Variants in MPP7 observed in about 807,000 individuals in gnomAD.
The protein encoded by MPP7 is MAGUK p55 subfamily member 7.
MPP7 carries 60 observed loss-of-function variants against 76.5 expected under a neutral mutation model. That is an observed-to-expected ratio of 0.78 (90% CI 0.64 to 0.97). The LOEUF (loss-of-function observed/expected upper bound fraction) is 0.97, where lower values mean the gene tolerates loss of function less well. MPP7 is among the 50% of genes least tolerant of loss of function. The probability of loss-of-function intolerance (pLI) is 0.00; values close to 1 mark genes in which losing one functional copy is unlikely to be tolerated. For missense variants in MPP7, 641 were observed against 694.0 expected, an observed-to-expected ratio of 0.92 and a Z score of 0.86; for synonymous variants, 237 against 244.5, an observed-to-expected ratio of 0.97 and a Z score of 0.29.
chr10:28,290,182 T>C (rs1031844036), intron 1 of MPP7, among the ~76,000 whole-genome samples: 1 of 152,210 alleles, frequency 6.6e-6, no homozygotes. Flanking sequence ...AGATCTTCTA[T>C]TAGTTTCTCT....
At chr10:28,083,330 C>T (rs74797754) in intron 12 of MPP7, among the ~76,000 whole-genome samples, 6,242 of 152,130 alleles carry the variant, frequency 0.041, 448 homozygotes, top group African/African-American at 0.14. Flanking sequence ...ATCACCAGAT[C>T]CCACTGTACA....
chr10:28,057,514 A>T (rs1414628958), intron 15 of MPP7: 3 of 159,238 alleles, frequency 1.9e-5, no homozygotes, highest in African/African-American at 7.7e-5. Context: ...TTCCGCCATG[A>T]TTGCAAGTTT....
intron 12 of MPP7, among the ~76,000 whole-genome samples, chr10:28,086,574 A>G (rs10826395): frequency 0.31 from 46,541 of 152,052 alleles, 8,786 homozygotes; most frequent in East Asian, 0.88. Flanking sequence ...GGCTGACAAT[A>G]GAATGTGGTG....
upstream of MPP7, among the ~76,000 whole-genome samples, chr10:28,304,748 C>A (rs1243327029): frequency 1.3e-5 from 2 of 152,160 alleles, no homozygotes; most frequent in Admixed American, 6.5e-5. Flanking sequence ...TCAAAAGTTT[C>A]TTCTACAATA....
chr10:28,057,316 G>A (rs931182045), intron 15 of MPP7, among the ~76,000 whole-genome samples: 3 of 152,178 alleles, frequency 2.0e-5, no homozygotes, highest in Non-Finnish European at 4.4e-5. Context: ...TGCTGTAGGT[G>A]CAGCCTGTGG....
At chr10:28,114,211 G>A (rs1385238868) in intron 11 of MPP7, among the ~76,000 whole-genome samples, 1 of 152,174 alleles carries the variant, frequency 6.6e-6, no homozygotes, top group Non-Finnish European at 1.5e-5. Flanking sequence ...AGCAGTTTGA[G>A]ATCAGCGTGA....
upstream of MPP7, chr10:28,303,355 A>G (rs7902785): frequency 0.12 from 18,010 of 152,104 alleles, 1,707 homozygotes; most frequent in East Asian, 0.48. Flanking sequence ...TGCAGACTGG[A>G]GTGTGTTTCA....
intron 1 of MPP7, among the ~76,000 whole-genome samples, chr10:28,290,810 A>G (rs956239522): frequency 2.6e-5 from 4 of 152,178 alleles, no homozygotes; most frequent in Non-Finnish European, 4.4e-5. Context: ...GGATTTTAGG[A>G]AAACAGACTA....
At chr10:28,071,859 G>C (rs1202011696) in intron 12 of MPP7, among the ~76,000 whole-genome samples, 1 of 152,074 alleles carries the variant, frequency 6.6e-6, no homozygotes, top group Non-Finnish European at 1.5e-5. Flanking sequence ...ACTAGCATTT[G>C]GATAGAAACC....
chr10:28,210,015 C>T (rs527682212), intron 2 of MPP7, among the ~76,000 whole-genome samples: 3 of 152,248 alleles, frequency 2.0e-5, no homozygotes, highest in South Asian at 4.2e-4. Context: ...CTGGGACACC[C>T]ATCTTCTCCT....
chr10:28,073,190 G>A (rs1384470724), intron 12 of MPP7, among the ~76,000 whole-genome samples: 2 of 152,104 alleles, frequency 1.3e-5, no homozygotes, highest in African/African-American at 2.4e-5. Context: ...CTTCTCTCTT[G>A]TATATCCCTA....
intron 1 of MPP7, among the ~76,000 whole-genome samples, chr10:28,256,680 C>T (rs564668868): frequency 5.3e-5 from 8 of 152,218 alleles, no homozygotes; most frequent in South Asian, 2.1e-4. Flanking sequence ...TCAAGTCTTA[C>T]GTATATAACT....
At chr10:28,286,063 C>T (rs368882047) in intron 1 of MPP7, among the ~76,000 whole-genome samples, 7 of 151,990 alleles carry the variant, frequency 4.6e-5, no homozygotes, top group Admixed American at 1.3e-4. Flanking sequence ...TATTTTCTTT[C>T]GCCCGGGATG....
chr10:28,167,676 G>A (rs1194870458), intron 3 of MPP7, among the ~76,000 whole-genome samples: 1 of 151,872 alleles, frequency 6.6e-6, no homozygotes, highest in Admixed American at 6.6e-5. Context: ...AAGTTTGCTG[G>A]TATATATATA....
intron 1 of MPP7, 51 bp from the exon 2 acceptor site, chr10:28,238,786 T>G: frequency 1.7e-6 from 1 of 602,110 alleles, no homozygotes. Context: ...CATCACCAAA[T>G]CACAACATTC....
At chr10:28,199,711 A>G (rs1021335786) in intron 3 of MPP7, among the ~76,000 whole-genome samples, 3 of 151,890 alleles carry the variant, frequency 2.0e-5, no homozygotes, top group African/African-American at 7.3e-5. Flanking sequence ...GGCTCATGCA[A>G]TCCTCCCACA....
chr10:28,168,382 A>G (rs1588877805), intron 3 of MPP7, among the ~76,000 whole-genome samples: 2 of 152,196 alleles, frequency 1.3e-5, no homozygotes, highest in Non-Finnish European at 2.9e-5. Flanking sequence ...ATGTATTACA[A>G]TTATCTTCTC....
chr10:28,291,993 C>T (rs562558746), intron 1 of MPP7, among the ~76,000 whole-genome samples: 2 of 152,332 alleles, frequency 1.3e-5, no homozygotes, highest in Admixed American at 6.5e-5. Context: ...AGAGCAACTT[C>T]CAGTCCAGAC....
intron 1 of MPP7, among the ~76,000 whole-genome samples, chr10:28,294,461 T>C (rs921636697): frequency 7.9e-5 from 12 of 152,244 alleles, no homozygotes; most frequent in Non-Finnish European, 1.8e-4. Context: ...TAAGGGTTAT[T>C]GTGAGAGTCC....
Sources: allele counts gnomAD v4.1 joint callset (sites outside exome capture counted in the v4.1 genomes callset), GRCh38; gene constraint gnomAD v4.1.1; transcripts MANE v1.5; gene names NCBI Gene and HGNC (gene_info 2026-07-23, HGNC 2026-07-21).